Variants in XYLT1 observed in about 807,000 individuals in gnomAD.
XYLT1 encodes beta-D-xylosyltransferase 1.
XYLT1 carries 36 observed loss-of-function variants against 91.3 expected under a neutral mutation model. The observed-to-expected ratio is 0.39, with a 90% confidence interval of 0.30 to 0.52. The LOEUF (loss-of-function observed/expected upper bound fraction) is 0.52. Among genes scored for constraint, XYLT1 ranks in the 20% least tolerant of loss-of-function variants. XYLT1 has a pLI of 0.68. For missense variants in XYLT1, 1,242 were observed against 1,284.5 expected, an observed-to-expected ratio of 0.97 and a Z score of 0.51; for synonymous variants, 588 against 532.0, an observed-to-expected ratio of 1.11 and a Z score of -1.45.
At chr16:17,300,581 C>T (rs960987408) in intron 2 of XYLT1, among the ~76,000 whole-genome samples, 6 of 142,248 alleles carry the variant, frequency 4.2e-5, no homozygotes, top group African/African-American at 1.1e-4. Context: ...CTTAGCCTCC[C>T]GAGTGGCTGG....
chr16:17,388,095 T>C (rs904682432), intron 1 of XYLT1, among the ~76,000 whole-genome samples: 1 of 152,190 alleles, frequency 6.6e-6, no homozygotes, highest in Non-Finnish European at 1.5e-5. Context: ...AACCCTGCCT[T>C]AAACATGCTC....
chr16:17,417,840 C>G (rs1461749186), intron 1 of XYLT1, among the ~76,000 whole-genome samples: 5 of 152,228 alleles, frequency 3.3e-5, no homozygotes, highest in Non-Finnish European at 7.3e-5. Flanking sequence ...TGCTGGACCT[C>G]TTAGAATATT....
intron 1 of XYLT1, among the ~76,000 whole-genome samples, chr16:17,378,213 T>C (rs1453658791): frequency 6.6e-6 from 1 of 152,132 alleles, no homozygotes; most frequent in Non-Finnish European, 1.5e-5. Flanking sequence ...ATGGCACGAA[T>C]GTTGAAGGGA....
At chr16:17,202,040 T>A (rs1263814650) in intron 3 of XYLT1, among the ~76,000 whole-genome samples, 6 of 152,136 alleles carry the variant, frequency 3.9e-5, no homozygotes, top group Non-Finnish European at 7.4e-5. Flanking sequence ...ATTCCGAAAA[T>A]CAGCCTCAAA....
At position 17,205,877 on chromosome 16, in the gene XYLT1, G is replaced by A. The variant is rs573325684; in HGVS notation, c.914-5223C>T. On this transcript the variant is annotated intron_variant, in intron 3 of 11. Coordinates refer to ENST00000261381, the MANE Select transcript of XYLT1 (RefSeq NM_022166.4). ...TTTATACTCTGAAAGGGCTGCTTCC[G>A]GCTGCTGCAAGGGGCACTTTCTGAC... Among the ~76,000 whole-genome samples the A allele has an allele frequency of 4.6e-5, 7 of 152,236 alleles. No homozygotes were observed. In the East Asian group the frequency reaches 1.2e-3, roughly 25 times the overall value.
chr16:17,201,139 A>G (rs1397897209), intron 3 of XYLT1, among the ~76,000 whole-genome samples: 2 of 152,202 alleles, frequency 1.3e-5, no homozygotes, highest in African/African-American at 4.8e-5. Flanking sequence ...CTCTTAATAA[A>G]TGTTTAAGTG....
chr16:17,161,265 G>A (rs536644329), intron 5 of XYLT1, among the ~76,000 whole-genome samples: 12 of 152,306 alleles, frequency 7.9e-5, no homozygotes, highest in African/African-American at 2.9e-4. Flanking sequence ...GCTTCCACAT[G>A]AAATCGTCTC....
intron 2 of XYLT1, among the ~76,000 whole-genome samples, chr16:17,262,859 A>C (rs1432013298): frequency 2.0e-5 from 3 of 152,142 alleles, no homozygotes; most frequent in African/African-American, 7.2e-5. Context: ...GGTCTAACTC[A>C]TCCCGATTAA....
intron 2 of XYLT1, among the ~76,000 whole-genome samples, chr16:17,271,552 T>C (rs971529331): frequency 1.3e-5 from 2 of 152,046 alleles, no homozygotes; most frequent in Non-Finnish European, 2.9e-5. Context: ...TCAGGCAGGG[T>C]TTCTCAAGGA....
At chr16:17,414,920 C>A (rs1288003100) in intron 1 of XYLT1, among the ~76,000 whole-genome samples, 1 of 152,128 alleles carries the variant, frequency 6.6e-6, no homozygotes, top group Admixed American at 6.5e-5. Context: ...ACGGTAACTG[C>A]GATGATTCCT....
chr16:17,331,196 G>A (rs2034894130), intron 2 of XYLT1, among the ~76,000 whole-genome samples: 2 of 152,242 alleles, frequency 1.3e-5, no homozygotes, highest in South Asian at 4.1e-4. Context: ...AGGGGGAGAT[G>A]ACTCAAGCTA....
chr16:17,411,345 A>C (rs1024986947), intron 1 of XYLT1, among the ~76,000 whole-genome samples: 1 of 152,186 alleles, frequency 6.6e-6, no homozygotes, highest in African/African-American at 2.4e-5. Flanking sequence ...TAAAGCAAAG[A>C]GCTACCTACT....
At chr16:17,449,551 C>T (rs552576524) in intron 1 of XYLT1, among the ~76,000 whole-genome samples, 10 of 152,324 alleles carry the variant, frequency 6.6e-5, no homozygotes, top group South Asian at 4.1e-4. Context: ...TGCAACCTTG[C>T]GAGAGTTACT....
intron 5 of XYLT1, among the ~76,000 whole-genome samples, chr16:17,179,921 C>T (rs1465621711): frequency 6.6e-6 from 1 of 152,162 alleles, no homozygotes; most frequent in East Asian, 1.9e-4. Context: ...TGCAAGCGGC[C>T]CACAGGCCAT....
chr16:17,282,212 G>A lies in XYLT1; in HGVS notation c.403-22714C>T, dbSNP rs549552025. 3.7e-4 allele frequency among the ~76,000 whole-genome samples: 57 copies of A among 152,284 alleles called. 1 individual carries two copies. In the South Asian group the frequency reaches 0.012, roughly 31 times the overall value. On this transcript the variant is annotated intron_variant, in intron 2 of 11. Transcript: ENST00000261381. The stretch of plus-strand genomic sequence containing the variant: ...AGTCAGCACTCCTATTTCTAAAATG[G>A]AGAAACTGAGGCACAGGGAATAAAA...
Position 17,331,294 on chromosome 16 carries a change from G to A in XYLT1, c.402+26718C>T, listed in dbSNP as rs114612690. On this transcript the variant is annotated intron_variant, in intron 2 of 11. Coordinates refer to ENST00000261381, the MANE Select transcript of XYLT1 (RefSeq NM_022166.4). ...TTCACCACACCAAGGTAGAGTACTCGGCACTTGGACAGTGGCGTCAGAACA... is the reference window on the plus strand; with the variant it reads ...TTCACCACACCAAGGTAGAGTACTCAGCACTTGGACAGTGGCGTCAGAACA... 2.7e-3 allele frequency among the ~76,000 whole-genome samples: 415 copies of A among 152,320 alleles called. 1 individual carries two copies. Among genetic ancestry groups the A allele is most frequent in the African/African-American group, 9.5e-3 (394 of 41,576 alleles).
At chr16:17,321,547 G>A (rs2034721665) in intron 2 of XYLT1, among the ~76,000 whole-genome samples, 1 of 151,598 alleles carries the variant, frequency 6.6e-6, no homozygotes, top group African/African-American at 2.4e-5. Context: ...TAGTAGAGAT[G>A]GGGTTTCACC....
intron 2 of XYLT1, among the ~76,000 whole-genome samples, chr16:17,285,030 C>T (rs2034114307): frequency 6.6e-6 from 1 of 152,288 alleles, no homozygotes; most frequent in East Asian, 1.9e-4. Context: ...CCTGGAAGAG[C>T]CCACTCACCC....
chr16:17,146,508 T>G (rs2031136162), intron 6 of XYLT1, among the ~76,000 whole-genome samples: 2 of 152,120 alleles, frequency 1.3e-5, no homozygotes, highest in Non-Finnish European at 2.9e-5. Flanking sequence ...AGACAGATAA[T>G]GGAAGCGTGT....
Sources: gnomAD v4.1 joint callset for allele counts (sites outside exome capture counted in the v4.1 genomes callset) on GRCh38, gnomAD v4.1.1 for gene constraint, MANE v1.5 for transcripts, NCBI Gene and HGNC (gene_info 2026-07-23, HGNC 2026-07-21) for gene names.